The following EYS variants were observed in gnomAD, a reference collection of about 807,000 sequenced individuals.
EYS encodes protein eyes shut homolog.
A neutral mutation model predicts 282.1 loss-of-function variants in EYS; 250 were observed. The observed-to-expected ratio is 0.89, with a 90% CI of 0.80 to 0.98. EYS has a LOEUF of 0.98. Ranked by LOEUF, EYS falls within the 50% of genes least tolerant of loss-of-function variation. The pLI is 0.00. For synonymous variants in EYS, 1,355 were observed against 1,282.9 expected (o/e 1.06, Z -1.20); for missense variants, 4,016 against 3,709.0 (o/e 1.08, Z -2.15).
chr6:64,641,660 G>A (rs1343292321), intron 22 of EYS, among the ~76,000 whole-genome samples: 1 of 152,130 alleles, frequency 6.6e-6, no homozygotes, highest in African/African-American at 2.4e-5. Flanking sequence ...GTGTAAGGCA[G>A]AGGTCTCCAA....
chr6:63,950,189 CA>C lies in EYS; in HGVS notation c.7055+34193del, dbSNP rs960105506. Reference sequence around the variant, plus strand: ...TCCGTCTCAAAAAACAAAAACAAAACAAAACAAAAAAAAAAAACAAAAAAAA... The same window carrying C: ...TCCGTCTCAAAAAACAAAAACAAAACAAACAAAAAAAAAAAACAAAAAAAA... On this transcript the variant is annotated intron_variant, in intron 35 of 42. Coordinates refer to ENST00000503581, the MANE Select transcript of EYS (RefSeq NM_001142800.2). Among the ~76,000 whole-genome samples, 2 of 142,878 alleles carry C rather than the reference CA, an allele frequency of 1.4e-5. 1 individual carries two copies. Among genetic ancestry groups the C allele is most frequent in the African/African-American group, 5.2e-5 (2 of 38,622 alleles). The allele number at this position is 142,878 out of a possible 152,430, so 93.7% of individuals were successfully genotyped here. A position where few individuals can be genotyped will look rare whatever the true frequency, so the allele number is the denominator to read the frequency against.
At chr6:63,906,554 A>T (rs1248479155) in intron 35 of EYS, among the ~76,000 whole-genome samples, 2 of 152,206 alleles carry the variant, frequency 1.3e-5, no homozygotes, top group Admixed American at 6.5e-5. Flanking sequence ...GGCCTAGTTT[A>T]GTTTCTGTGT....
chr6:64,232,028 A>T (rs1051665475), intron 30 of EYS, among the ~76,000 whole-genome samples: 2 of 152,196 alleles, frequency 1.3e-5, no homozygotes, highest in Admixed American at 6.5e-5. Context: ...CTATTTTTAT[A>T]TCTACTACGC....
At chr6:65,695,312 C>T (rs911870477) in intron 1 of EYS, among the ~76,000 whole-genome samples, 2 of 151,940 alleles carry the variant, frequency 1.3e-5, no homozygotes, top group Non-Finnish European at 2.9e-5. Context: ...AAGATTATGA[C>T]AAATAATATT....
chr6:64,252,621 G>A (rs927371956), intron 30 of EYS, among the ~76,000 whole-genome samples: 3 of 152,142 alleles, frequency 2.0e-5, no homozygotes, highest in African/African-American at 7.2e-5. Flanking sequence ...TCTGCCTCTT[G>A]AGGAGTCTCA....
intron 16 of EYS, among the ~76,000 whole-genome samples, chr6:64,905,426 GT>G (rs1195132289): frequency 6.6e-6 from 1 of 152,132 alleles, no homozygotes; most frequent in Non-Finnish European, 1.5e-5. Flanking sequence ...GCCGTACTTT[GT>G]TAACTGCAGG....
chr6:64,222,155 T>C (rs1442008087), intron 31 of EYS, among the ~76,000 whole-genome samples: 1 of 152,106 alleles, frequency 6.6e-6, no homozygotes, highest in African/African-American at 2.4e-5. Flanking sequence ...CTTACCAAAA[T>C]AGATTAAAGC....
intron 22 of EYS, among the ~76,000 whole-genome samples, chr6:64,640,572 G>A (rs1199020661): frequency 6.6e-6 from 1 of 151,030 alleles, no homozygotes; most frequent in Non-Finnish European, 1.5e-5. Flanking sequence ...ACTGTTGTGG[G>A]GTGGGGGGAG....
At chr6:64,907,307 C>A (rs891211083) in intron 16 of EYS, among the ~76,000 whole-genome samples, 1 of 152,126 alleles carries the variant, frequency 6.6e-6, no homozygotes, top group Admixed American at 6.6e-5. Flanking sequence ...GCCTTAGTCT[C>A]CCAAAGTGCT....
chr6:65,597,226 C>T (rs564730083), intron 2 of EYS, among the ~76,000 whole-genome samples: 61 of 152,034 alleles, frequency 4.0e-4, no homozygotes, highest in Non-Finnish European at 7.2e-4. Context: ...ATTACTAATA[C>T]GCACGATTAA....
rs1181930194 is a variant in EYS at position 64,273,155 on chromosome 6, A to G, written c.6191+33815T>C. Among the ~76,000 whole-genome samples the G allele has an allele frequency of 3.3e-5, 5 of 152,130 alleles. No homozygotes were observed. The East Asian group carries it at 7.7e-4, about 23-fold the overall frequency. On this transcript the variant is annotated intron_variant, in intron 30 of 42. Coordinates refer to ENST00000503581, the MANE Select transcript of EYS (RefSeq NM_001142800.2). ...GCTTAACATTTCTCAGTTGCTTACTATGTGTCTCTTTATTCTGCTTTTTGC... is the reference window on the plus strand; with the variant it reads ...GCTTAACATTTCTCAGTTGCTTACTGTGTGTCTCTTTATTCTGCTTTTTGC...
At chr6:65,574,007 C>T (rs1764570698) in intron 2 of EYS, among the ~76,000 whole-genome samples, 1 of 152,138 alleles carries the variant, frequency 6.6e-6, no homozygotes, top group Non-Finnish European at 1.5e-5. Context: ...GGCACTCTGG[C>T]TAGTTCACAA....
At chr6:64,064,635 G>GT (rs1771299998) in intron 33 of EYS, among the ~76,000 whole-genome samples, 1 of 152,010 alleles carries the variant, frequency 6.6e-6, no homozygotes, top group Non-Finnish European at 1.5e-5. Context: ...TTTACAGGTT[G>GT]TTTTTTTCCT....
At chr6:64,296,598 A>ATATTT (rs1561913902) in intron 30 of EYS, among the ~76,000 whole-genome samples, 6 of 20,120 alleles carry the variant, frequency 3.0e-4, no homozygotes, top group Non-Finnish European at 4.9e-4. Flanking sequence ...ATATATATAT[A>ATATTT]TTTTTTTTTT....
chr6:64,231,577 A>G (rs1766426853), intron 30 of EYS, among the ~76,000 whole-genome samples: 1 of 152,092 alleles, frequency 6.6e-6, no homozygotes, highest in Non-Finnish European at 1.5e-5. Context: ...TTATTCCTCA[A>G]TTCCTGTCTA....
chr6:65,314,231 C>A (rs1246672647), intron 11 of EYS, among the ~76,000 whole-genome samples: 1 of 150,762 alleles, frequency 6.6e-6, no homozygotes, highest in Non-Finnish European at 1.5e-5. Flanking sequence ...AAAATCGAAA[C>A]CCCCCCTCCA....
intron 36 of EYS, among the ~76,000 whole-genome samples, chr6:63,841,754 C>T (rs928522998): frequency 6.6e-6 from 1 of 152,102 alleles, no homozygotes. Context: ...TGCTATCCCT[C>T]CCTTTGCCCC....
At chr6:65,252,264 T>C (rs959292239) in intron 12 of EYS, among the ~76,000 whole-genome samples, 4 of 151,996 alleles carry the variant, frequency 2.6e-5, no homozygotes, top group Admixed American at 6.6e-5. Flanking sequence ...ACCCCTGTGT[T>C]GCACAGATGT....
chr6:64,265,271 T>G (rs1767719554), intron 30 of EYS, among the ~76,000 whole-genome samples: 1 of 152,192 alleles, frequency 6.6e-6, no homozygotes, highest in Non-Finnish European at 1.5e-5. Context: ...GATAGTTTGC[T>G]GTAAAAGTTA....
Sources: gnomAD v4.1 joint callset for allele counts (sites outside exome capture counted in the v4.1 genomes callset) on GRCh38, gnomAD v4.1.1 for gene constraint, MANE v1.5 for transcripts, NCBI Gene and HGNC (gene_info 2026-07-23, HGNC 2026-07-21) for gene names.